The following SPMAP2L variants were observed in gnomAD, a reference collection of about 807,000 sequenced individuals.
The protein encoded by SPMAP2L is sperm microtubule associated protein 2-like.
chr4:56,593,669 G>A, the SPMAP2L span: 1 of 1,604,290 alleles, frequency 6.2e-7, no homozygotes, highest in Non-Finnish European at 8.5e-7. Flanking sequence ...TGCCGTCCGA[G>A]AAAGCTTGGT....
the SPMAP2L span, among the ~76,000 whole-genome samples, chr4:56,615,999 C>T: frequency 6.6e-6 from 1 of 152,158 alleles, no homozygotes; most frequent in African/African-American, 2.4e-5. Flanking sequence ...GTTTCATCTC[C>T]TGGAGATTTA....
chr4:56,609,397 G>A, the SPMAP2L span, among the ~76,000 whole-genome samples: 2 of 152,138 alleles, frequency 1.3e-5, no homozygotes, highest in African/African-American at 4.8e-5. Context: ...ACAGCTGGAG[G>A]GGGAGTTTGC....
At chr4:56,599,026 G>C in the SPMAP2L span, among the ~76,000 whole-genome samples, 2 of 152,014 alleles carry the variant, frequency 1.3e-5, no homozygotes, top group Non-Finnish European at 2.9e-5. Context: ...CTTCCGCCAT[G>C]ATGGTGAGGC....
At chr4:56,596,531 G>A in the SPMAP2L span, 1 of 1,532,358 alleles carries the variant, frequency 6.5e-7, no homozygotes, top group South Asian at 1.2e-5. Flanking sequence ...TCTACCCTGA[G>A]TGCGATTGCA....
At chr4:56,597,835 C>T in the SPMAP2L span, among the ~76,000 whole-genome samples, 1 of 151,024 alleles carries the variant, frequency 6.6e-6, no homozygotes, top group Non-Finnish European at 1.5e-5. Context: ...AGCTGTCCTC[C>T]CTAATTCTTT....
At chr4:56,552,656 C>A in the SPMAP2L span, 1 of 1,095,162 alleles carries the variant, frequency 9.1e-7, no homozygotes, top group Non-Finnish European at 1.3e-6. Flanking sequence ...TGATTGTGTT[C>A]ATTACATAAA....
At chr4:56,545,493 A>C in the SPMAP2L span, among the ~76,000 whole-genome samples, 1 of 152,128 alleles carries the variant, frequency 6.6e-6, no homozygotes, top group African/African-American at 2.4e-5. Context: ...TGGGAGGCCA[A>C]GGTAGGAGGA....
chr4:56,543,816 C>T, the SPMAP2L span, among the ~76,000 whole-genome samples: 4 of 151,902 alleles, frequency 2.6e-5, no homozygotes, highest in African/African-American at 4.8e-5. Context: ...TCCTTTCCTT[C>T]GCTTAACCTA....
chr4:56,591,026 C>T, the SPMAP2L span, among the ~76,000 whole-genome samples: 3 of 152,154 alleles, frequency 2.0e-5, no homozygotes, highest in Admixed American at 2.0e-4. Flanking sequence ...AAATGATACC[C>T]GAGGTGATGA....
At chr4:56,539,851 C>G in the SPMAP2L span, among the ~76,000 whole-genome samples, 1 of 152,226 alleles carries the variant, frequency 6.6e-6, no homozygotes, top group African/African-American at 2.4e-5. Context: ...CCAGCCACAT[C>G]ACACTGATTT....
chr4:56,596,427 T>C, the SPMAP2L span: 1 of 1,398,826 alleles, frequency 7.1e-7, no homozygotes, highest in East Asian at 2.7e-5. Flanking sequence ...GGTCAAATCA[T>C]ACTTTGTAAT....
chr4:56,569,510 T>TA, the SPMAP2L span, among the ~76,000 whole-genome samples: 20 of 151,796 alleles, frequency 1.3e-4, no homozygotes, highest in Admixed American at 1.2e-3. Context: ...GTTTTTTTTT[T>TA]AAAAAAATGG....
At chr4:56,615,517 C>A in the SPMAP2L span, among the ~76,000 whole-genome samples, 1 of 152,088 alleles carries the variant, frequency 6.6e-6, no homozygotes, top group Admixed American at 6.5e-5. Context: ...GAGGCCGAGG[C>A]GGGTGGATCA....
the SPMAP2L span, chr4:56,595,395 G>A: frequency 1.1e-5 from 18 of 1,604,736 alleles, no homozygotes; most frequent in Admixed American, 2.2e-4. Context: ...CGGAGGACAA[G>A]GCAGAGCTGG....
chr4:56,615,096 C>T, the SPMAP2L span, among the ~76,000 whole-genome samples: 1 of 152,228 alleles, frequency 6.6e-6, no homozygotes, highest in Non-Finnish European at 1.5e-5. Flanking sequence ...GACAGCAGTG[C>T]CAGATCCAGA....
chr4:56,536,602 A>G, the SPMAP2L span, among the ~76,000 whole-genome samples: 2 of 152,182 alleles, frequency 1.3e-5, no homozygotes, highest in Admixed American at 6.5e-5. Context: ...AGATCTCTTC[A>G]TTTGACCGCT....
chr4:56,571,201 C>G, the SPMAP2L span, among the ~76,000 whole-genome samples: 1 of 151,808 alleles, frequency 6.6e-6, no homozygotes, highest in South Asian at 2.1e-4. Flanking sequence ...CATTATACAG[C>G]TATCCAAAAA....
At chr4:56,557,896 T>C in the SPMAP2L span, 1 of 152,236 alleles carries the variant, frequency 6.6e-6, no homozygotes, top group Non-Finnish European at 1.5e-5. Flanking sequence ...TGGTACATTA[T>C]CTGTTTATAA....
At chr4:56,623,020 C>A in the SPMAP2L span, among the ~76,000 whole-genome samples, 1 of 152,134 alleles carries the variant, frequency 6.6e-6, no homozygotes, top group African/African-American at 2.4e-5. Context: ...CTGGTCCACA[C>A]GGGTTACTGC....
Sources: gnomAD v4.1 joint callset for allele counts (sites outside exome capture counted in the v4.1 genomes callset) on GRCh38, gnomAD v4.1.1 for gene constraint, MANE v1.5 for transcripts, NCBI Gene and HGNC (gene_info 2026-07-23, HGNC 2026-07-21) for gene names.